MAP7: variants seen among roughly 807,000 people sequenced by gnomAD.
MAP7 encodes microtubule associated protein 7.
MAP7 carries 52 observed loss-of-function variants against 94.8 expected under a neutral mutation model. The ratio of observed to expected loss-of-function variants is 0.55; its 90% confidence interval spans 0.44 to 0.69. The LOEUF is 0.69. Ranked by LOEUF, MAP7 falls within the 30% of genes least tolerant of loss-of-function variation. The pLI is 0.00. For synonymous variants in MAP7, 350 were observed against 357.0 expected, an observed-to-expected ratio of 0.98 and a Z score of 0.22; for missense variants, 940 against 964.6, an observed-to-expected ratio of 0.97 and a Z score of 0.34.
At chr6:136,369,287 T>C (rs1466600061) in intron 8 of MAP7, among the ~76,000 whole-genome samples, 2 of 152,134 alleles carry the variant, frequency 1.3e-5, no homozygotes, top group Non-Finnish European at 2.9e-5. Context: ...GATATAGATA[T>C]ATGGGGCTGG....
At chr6:136,529,145 A>C (rs1194156970) in intron 1 of MAP7, among the ~76,000 whole-genome samples, 1 of 152,152 alleles carries the variant, frequency 6.6e-6, no homozygotes. Context: ...TTTGAGATGG[A>C]GTCTCGCTGT....
chr6:136,503,084 A>G (rs1379100096), intron 1 of MAP7, among the ~76,000 whole-genome samples: 2 of 152,186 alleles, frequency 1.3e-5, no homozygotes, highest in African/African-American at 4.8e-5. Flanking sequence ...ACAAATGCTA[A>G]TCAGGCCCAA....
chr6:136,398,969 T>C (rs1783300715), intron 3 of MAP7, among the ~76,000 whole-genome samples: 2 of 152,174 alleles, frequency 1.3e-5, no homozygotes, highest in Non-Finnish European at 2.9e-5. Flanking sequence ...AGCATATATT[T>C]TACTGCTGTA....
chr6:136,418,292 G>C (rs893610971), intron 2 of MAP7, among the ~76,000 whole-genome samples: 2 of 152,132 alleles, frequency 1.3e-5, no homozygotes, highest in African/African-American at 4.8e-5. Context: ...TCGGCTCACT[G>C]CAACCTCTGC....
At chr6:136,441,158 T>C (rs1056408236) in intron 1 of MAP7, among the ~76,000 whole-genome samples, 1 of 152,212 alleles carries the variant, frequency 6.6e-6, no homozygotes, top group African/African-American at 2.4e-5. Context: ...AATGTCAGAG[T>C]TGAGAGATCT....
intron 1 of MAP7, among the ~76,000 whole-genome samples, chr6:136,482,115 CA>C (rs1431134369): frequency 6.6e-6 from 1 of 152,058 alleles, no homozygotes; most frequent in Non-Finnish European, 1.5e-5. Context: ...ATTAAAACGT[CA>C]AAAAATAACA....
chr6:136,361,742 C>G (rs1267255172), intron 11 of MAP7, among the ~76,000 whole-genome samples: 2 of 152,110 alleles, frequency 1.3e-5, no homozygotes, highest in African/African-American at 2.4e-5. Flanking sequence ...ACCAATTAAA[C>G]AAACTGTTTC....
intron 8 of MAP7, among the ~76,000 whole-genome samples, chr6:136,371,505 A>G (rs539349846): frequency 1.3e-5 from 2 of 152,368 alleles, no homozygotes; most frequent in South Asian, 2.1e-4. Flanking sequence ...AGCTTGAAAG[A>G]AAAACAGGCT....
intron 1 of MAP7, among the ~76,000 whole-genome samples, chr6:136,427,469 T>C (rs1315081022): frequency 1.3e-5 from 2 of 152,188 alleles, no homozygotes; most frequent in Admixed American, 6.5e-5. Context: ...ACTGTCAATG[T>C]CAAAAATAGT....
chr6:136,372,060 C>T (rs181882173), intron 8 of MAP7, among the ~76,000 whole-genome samples: 1 of 152,288 alleles, frequency 6.6e-6, no homozygotes, highest in Admixed American at 6.5e-5. Flanking sequence ...AATTCTTTAT[C>T]TTGCTTTTGA....
chr6:136,414,753 T>C (rs1369305935), intron 2 of MAP7, among the ~76,000 whole-genome samples: 1 of 151,756 alleles, frequency 6.6e-6, no homozygotes. Flanking sequence ...GCCATCCTCT[T>C]ACCTCAGCCT....
chr6:136,478,393 G>T (rs1468271056), intron 1 of MAP7, among the ~76,000 whole-genome samples: 2 of 151,676 alleles, frequency 1.3e-5, no homozygotes, highest in African/African-American at 4.8e-5. Flanking sequence ...GACCAGCCTG[G>T]GCAAGACAGC....
At chr6:136,530,255 T>G (rs1390249771) in intron 1 of MAP7, among the ~76,000 whole-genome samples, 1 of 152,236 alleles carries the variant, frequency 6.6e-6, no homozygotes, top group Non-Finnish European at 1.5e-5. Flanking sequence ...TACTGCTGGA[T>G]TGAATGGCCT....
Position 136,372,563 on chromosome 6 carries a change from G to A in MAP7, c.814C>T (p.Pro272Ser). ...TCAGGTGGTGTTACAAAGAGTTTTG[G>A]TCGATCCATCGAATTTCTAGAGTGT... ...AAHSRNSMDR[P>S]KLFVTPPEGS... Residue 272 changes from proline to serine, a missense_variant, in exon 8 of 18, where the codon CCA becomes TCA. Pro to Ser is a moderately conservative substitution (Grantham distance 74, BLOSUM62 -1). Coordinates refer to ENST00000354570, the MANE Select transcript of MAP7 (RefSeq NM_003980.6). 5 of 1,614,184 alleles carry A rather than the reference G, an allele frequency of 3.1e-6. No homozygotes were observed. Among genetic ancestry groups the A allele is most frequent in the African/African-American group, 1.3e-5 (1 of 75,040 alleles).
chr6:136,364,514 T>G, intron 10 of MAP7: 1 of 257,220 alleles, frequency 3.9e-6, no homozygotes, highest in Non-Finnish European at 7.6e-6. Flanking sequence ...AAAAAATTCT[T>G]TGAAAACTCT....
At position 136,485,555 on chromosome 6, in the gene MAP7, A is replaced by ATTTTTTTTTT. The variant is rs747333121; in HGVS notation, c.68-63766_68-63757dup. Among the ~76,000 whole-genome samples the ATTTTTTTTTT allele has an allele frequency of 3.2e-4, 31 of 98,136 alleles. 2 individuals carry two copies. Among genetic ancestry groups the ATTTTTTTTTT allele is most frequent in the African/African-American group, 8.5e-4 (19 of 22,414 alleles). The allele number at this position is 98,136 out of a possible 152,430, so 64.4% of individuals were successfully genotyped here. ...GACTTAATGATCAATTCCACTTCAG[A>ATTTTTTTTTT]TTTTTTTTTTTTTTTTTTTTTTTTT... On this transcript the variant is annotated intron_variant, in intron 1 of 17. Coordinates refer to ENST00000354570, the MANE Select transcript of MAP7 (RefSeq NM_003980.6).
At chr6:136,390,405 C>A (rs890701852) in intron 3 of MAP7, among the ~76,000 whole-genome samples, 3 of 152,142 alleles carry the variant, frequency 2.0e-5, no homozygotes, top group Non-Finnish European at 4.4e-5. Flanking sequence ...GTAATCCCAG[C>A]ACTTTGGGAG....
rs1212330238 is a variant in MAP7 at position 136,494,914 on chromosome 6, AG to A, written c.67+55427del. ...GGTGTCCATAGATACCACAGATGAA[AG>A]GTTATCTCCTGTACACACATACACA... is the stretch of plus-strand genomic sequence containing the variant. On this transcript the variant is annotated intron_variant, in intron 1 of 17. Transcript: ENST00000354570. Among the ~76,000 whole-genome samples, 5 of 152,328 alleles carry A rather than the reference AG, an allele frequency of 3.3e-5. No homozygotes were observed. In the East Asian group the frequency reaches 9.7e-4, roughly 29 times the overall value.
intron 1 of MAP7, among the ~76,000 whole-genome samples, chr6:136,462,102 G>T (rs545487100): frequency 9.9e-5 from 15 of 151,604 alleles, no homozygotes; most frequent in Non-Finnish European, 2.2e-4. Flanking sequence ...AGGCTGAGGT[G>T]GGAGGATTGC....
Sources: allele counts gnomAD v4.1 joint callset (sites outside exome capture counted in the v4.1 genomes callset), GRCh38; gene constraint gnomAD v4.1.1; transcripts MANE v1.5; gene names NCBI Gene and HGNC (gene_info 2026-07-23, HGNC 2026-07-21).